The following HAVCR1 variants were observed in gnomAD, a reference collection of about 807,000 sequenced individuals.
HAVCR1 encodes the protein T cell immunoglobin domain and mucin domain protein 1.
In HAVCR1, 34 loss-of-function variants were observed where a neutral mutation model predicts 32.0. That is an observed-to-expected ratio of 1.06 (90% CI 0.81 to 1.42). HAVCR1 has a LOEUF of 1.42. Ranked by LOEUF, HAVCR1 falls within the 40% of genes most tolerant of loss-of-function variation. The pLI, the probability that HAVCR1 is intolerant of heterozygous loss-of-function variation, is 0.00. For synonymous variants in HAVCR1, 178 were observed against 170.3 expected (o/e 1.05, Z -0.35); for missense variants, 420 against 442.3 (o/e 0.95, Z 0.45).
chr5:157,062,161 C>T (rs753933641), upstream of HAVCR1, among the ~76,000 whole-genome samples: 41 of 152,294 alleles, frequency 2.7e-4, no homozygotes, highest in Admixed American at 2.6e-4. Context: ...TCCAGCTGCT[C>T]ACTAGGGAGC....
At chr5:157,044,374 AAGGAAGGAAGGAAGGAAGGAAGG>A (rs1755097057) in intron 5 of HAVCR1, among the ~76,000 whole-genome samples, 1 of 33,332 alleles carries the variant, frequency 3.0e-5, no homozygotes, top group Non-Finnish European at 5.2e-5. Flanking sequence ...AGGACGAAGG[AAGGAAGGAAGGAAGGAAGGAAGG>A]AAGGAAGGAA....
intron 6 of HAVCR1, among the ~76,000 whole-genome samples, chr5:157,040,718 G>A (rs1754839351): frequency 6.6e-6 from 1 of 152,070 alleles, no homozygotes; most frequent in African/African-American, 2.4e-5. Context: ...TGGCCAACGT[G>A]GTGAAATTCC....
At chr5:157,056,675 C>T (rs549902693) in intron 2 of HAVCR1, among the ~76,000 whole-genome samples, 45 of 152,060 alleles carry the variant, frequency 3.0e-4, no homozygotes, top group East Asian at 7.7e-4. Flanking sequence ...CCACCACGCC[C>T]GGCCACCAAG....
chr5:157,043,680 T>C (rs567970164), intron 5 of HAVCR1, among the ~76,000 whole-genome samples: 16 of 152,126 alleles, frequency 1.1e-4, no homozygotes, highest in East Asian at 1.9e-4. Flanking sequence ...AAAAAGAGTA[T>C]ATTCTGTTGG....
At chr5:157,061,125 T>C (rs1371556814), upstream of HAVCR1, among the ~76,000 whole-genome samples, 1 of 152,114 alleles carries the variant, frequency 6.6e-6, no homozygotes, top group Non-Finnish European at 1.5e-5. Context: ...CTGGAACTCC[T>C]GGCCTCAAGT....
chr5:157,060,976 C>A (rs1756477687), upstream of HAVCR1, among the ~76,000 whole-genome samples: 1 of 152,032 alleles, frequency 6.6e-6, no homozygotes. Context: ...CAGCTCAGTG[C>A]AACCTCCATC....
Position 157,038,933 on chromosome 5 carries a change from C to T in HAVCR1, c.838-1572G>A, listed in dbSNP as rs185944647. On this transcript the variant is annotated intron_variant, in intron 6 of 8. Coordinates refer to ENST00000523175, the MANE Select transcript of HAVCR1 (RefSeq NM_001173393.3). ...TAGCCTGAGCCCAGGAGTTTGAGACCAGTTTGGTGAGACCCTGTCTCCAGA... is the reference window on the plus strand; with the variant it reads ...TAGCCTGAGCCCAGGAGTTTGAGACTAGTTTGGTGAGACCCTGTCTCCAGA... Among the ~76,000 whole-genome samples, 11 of 152,210 alleles carry T rather than the reference C, an allele frequency of 7.2e-5. 1 individual carries two copies. The highest frequency in any genetic ancestry group is 6.5e-4 in the Admixed American group (10 of 15,292).
chr5:157,062,907 G>T (rs996567277), upstream of HAVCR1, among the ~76,000 whole-genome samples: 20 of 152,060 alleles, frequency 1.3e-4, no homozygotes, highest in Admixed American at 9.2e-4. Flanking sequence ...ATCACTTGAG[G>T]TTAGGAGTTC....
the HAVCR1 span, among the ~76,000 whole-genome samples, chr5:157,065,306 CA>C: frequency 0.51 from 72,550 of 142,884 alleles, 18,651 homozygotes; most frequent in East Asian, 0.83. Context: ...GACTCCGCCT[CA>C]AAAAAAAAAA....
chr5:157,064,977 C>T, the HAVCR1 span, among the ~76,000 whole-genome samples: 1 of 152,180 alleles, frequency 6.6e-6, no homozygotes, highest in Admixed American at 6.5e-5. Flanking sequence ...TGTGTGGAGA[C>T]TGCTGGAGTT....
intron 5 of HAVCR1, among the ~76,000 whole-genome samples, chr5:157,044,195 G>A (rs925544072): frequency 5.3e-5 from 8 of 151,642 alleles, no homozygotes; most frequent in African/African-American, 1.9e-4. Context: ...TAGCCAGCGT[G>A]ATGCTGCACA....
At chr5:157,055,800 G>A (rs1756095399) in intron 2 of HAVCR1, among the ~76,000 whole-genome samples, 2 of 151,864 alleles carry the variant, frequency 1.3e-5, no homozygotes, top group South Asian at 4.2e-4. Flanking sequence ...GGGAGGCGGA[G>A]GTTGCAGCAA....
intron 8 of HAVCR1, among the ~76,000 whole-genome samples, chr5:157,030,491 AT>A (rs964263376): frequency 1.8e-4 from 27 of 150,546 alleles, no homozygotes; most frequent in African/African-American, 5.4e-4. Context: ...GTCTCTACAG[AT>A]TTTTTTTTTA....
upstream of HAVCR1, among the ~76,000 whole-genome samples, chr5:157,062,001 A>G (rs2113662864): frequency 6.6e-6 from 1 of 152,308 alleles, no homozygotes; most frequent in African/African-American, 2.4e-5. Context: ...AAGACTCCCA[A>G]ACAATATAGC....
At chr5:157,058,006 T>C in intron 1 of HAVCR1, 51 bp from the exon 2 acceptor site, 1 of 1,220,188 alleles carries the variant, frequency 8.2e-7, no homozygotes, top group Non-Finnish European at 1.2e-6. Context: ...CCAGATGGTA[T>C]CTGATCAAGT....
rs751243088 is a variant in HAVCR1, at chr5:157,057,909, A to G, written c.35T>C (p.Leu12Pro). The G allele has an allele frequency of 1.9e-6, 3 of 1,613,460 alleles. No individual in the cohort carries two copies. The African/African-American group carries it at 4.0e-5, about 22-fold the overall frequency. The change falls in exon 2 of 9, where the codon CTA becomes CCA. Residue 12 changes from leucine to proline, a missense_variant. Physicochemically the swap from Leu to Pro is moderately conservative, Grantham distance 98. Coordinates refer to ENST00000523175, the MANE Select transcript of HAVCR1 (RefSeq NM_001173393.3). ...HPQVVILSLI[L>P]HLADSVAGSV... Reference sequence around the variant, plus strand: ...ACCTACTCACTTACCTGCCAGATGTAGGATGAGGCTTAAGATGACCACTTG... The same window carrying G: ...ACCTACTCACTTACCTGCCAGATGTGGGATGAGGCTTAAGATGACCACTTG...
chr5:157,067,728 G>A, the HAVCR1 span, among the ~76,000 whole-genome samples: 23 of 151,880 alleles, frequency 1.5e-4, no homozygotes, highest in African/African-American at 5.5e-4. Flanking sequence ...CACTTTTGTT[G>A]CCCAGGCTGG....
chr5:157,058,238 G>A (rs549682453), intron 1 of HAVCR1: 3 of 351,940 alleles, frequency 8.5e-6, no homozygotes, highest in African/African-American at 2.1e-5. Flanking sequence ...ACTGACTCCT[G>A]GTCCTGATAC....
intron 7 of HAVCR1, among the ~76,000 whole-genome samples, chr5:157,035,080 C>A (rs1450071488): frequency 6.6e-6 from 1 of 152,090 alleles, no homozygotes; most frequent in Non-Finnish European, 1.5e-5. Context: ...TATTTAAGCT[C>A]CAGTCATCTG....
Sources: gnomAD v4.1 joint callset for allele counts (sites outside exome capture counted in the v4.1 genomes callset) on GRCh38, gnomAD v4.1.1 for gene constraint, MANE v1.5 for transcripts, NCBI Gene and HGNC (gene_info 2026-07-23, HGNC 2026-07-21) for gene names.